KAZN: variants seen among roughly 807,000 people sequenced by gnomAD.
KAZN encodes the protein kazrin, periplakin interacting protein, also known as kazrin.
KAZN carries 40 observed loss-of-function variants against 87.4 expected under a neutral mutation model. The ratio of observed to expected loss-of-function variants is 0.46; its 90% confidence interval spans 0.36 to 0.60. The LOEUF (loss-of-function observed/expected upper bound fraction) is 0.60, where lower values mean the gene tolerates loss of function less well. Among genes scored for constraint, KAZN ranks in the 20% least tolerant of loss-of-function variants. The pLI is 0.00. For synonymous variants in KAZN, 466 were observed against 458.3 expected (o/e 1.02, Z -0.22); for missense variants, 898 against 1,073.9 (o/e 0.84, Z 2.29).
chr1:15,001,824 G>A (rs1432841029), intron 2 of KAZN, among the ~76,000 whole-genome samples: 1 of 151,206 alleles, frequency 6.6e-6, no homozygotes, highest in Non-Finnish European at 1.5e-5. Flanking sequence ...AAGGTGAGAG[G>A]TGGATTCTTC....
intron 2 of KAZN, among the ~76,000 whole-genome samples, chr1:14,275,671 C>A (rs1409710091): frequency 2.0e-5 from 3 of 152,052 alleles, no homozygotes; most frequent in African/African-American, 7.2e-5. Context: ...GGTGAATATA[C>A]CACAATTTAT....
chr1:14,355,609 T>G (rs2100959110), intron 2 of KAZN, among the ~76,000 whole-genome samples: 1 of 152,176 alleles, frequency 6.6e-6, no homozygotes, highest in Non-Finnish European at 1.5e-5. Flanking sequence ...GGCCCTGGTG[T>G]GTGATGTTTC....
At chr1:15,043,633 CTTTTTTTT>C (rs71000361) in intron 3 of KAZN, among the ~76,000 whole-genome samples, 16 of 72,576 alleles carry the variant, frequency 2.2e-4, no homozygotes, top group Non-Finnish European at 3.2e-4. Flanking sequence ...CTCCCCACTT[CTTTTTTTT>C]TTTTTTTTTT....
chr1:13,909,376 G>A lies in KAZN; in HGVS notation c.91+15620G>A, dbSNP rs114755799. Among the ~76,000 whole-genome samples, 141 of 152,166 alleles carry A rather than the reference G, an allele frequency of 9.3e-4. 1 individual carries two copies. The highest frequency in any genetic ancestry group is 3.2e-3 in the African/African-American group (134 of 41,528). Reference sequence around the variant, plus strand: ...CCTACGAAAGGCTGTGTTTTTTCAGGGGCAAGAGGGTGAGGAGGGAGGTAT... The same window carrying A: ...CCTACGAAAGGCTGTGTTTTTTCAGAGGCAAGAGGGTGAGGAGGGAGGTAT... On this transcript the variant is annotated intron_variant, in intron 1 of 16. Coordinates refer to the KAZN transcript ENST00000636203.
intron 2 of KAZN, among the ~76,000 whole-genome samples, chr1:14,308,378 C>G (rs545117030): frequency 2.6e-5 from 4 of 152,230 alleles, no homozygotes; most frequent in African/African-American, 9.6e-5. Flanking sequence ...GGCACAAGGT[C>G]TCCAACTTAA....
intron 2 of KAZN, among the ~76,000 whole-genome samples, chr1:14,997,646 T>C (rs1009070467): frequency 6.6e-6 from 1 of 152,120 alleles, no homozygotes; most frequent in Non-Finnish European, 1.5e-5. Context: ...CAGAACAACG[T>C]GGATTCTCAG....
chr1:14,796,498 A>C (rs977109111), intron 1 of KAZN, among the ~76,000 whole-genome samples: 6 of 152,182 alleles, frequency 3.9e-5, no homozygotes, highest in Non-Finnish European at 8.8e-5. Flanking sequence ...AGCCTGGCAC[A>C]TGGTAGGTGT....
chr1:14,193,106 C>G (rs1646454696), intron 2 of KAZN, among the ~76,000 whole-genome samples: 2 of 152,092 alleles, frequency 1.3e-5, no homozygotes, highest in Non-Finnish European at 2.9e-5. Context: ...GGCGTTCTTC[C>G]CCCTGTACTT....
intron 1 of KAZN, chr1:14,929,878 G>A (rs1659610398): frequency 7.1e-6 from 7 of 985,308 alleles, no homozygotes; most frequent in South Asian, 4.7e-5. Flanking sequence ...ATGAAGGTGG[G>A]GACTCCAGGC....
Position 14,960,724 on chromosome 1 carries a change from T to C in KAZN, c.267T>C (p.Val89=), listed in dbSNP as rs917608859. The C allele has an allele frequency of 6.3e-7, 1 of 1,584,870 alleles. No homozygotes were observed. Among genetic ancestry groups the C allele is most frequent in the East Asian group, 2.3e-5 (1 of 43,754 alleles). ...REEVSRLQEE[V]HLLRQMKEML... ...AAGTGTCGCGGCTCCAGGAGGAAGT[T>C]CACCTTCTCCGGCAGATGAAGGAGA... The change falls in exon 2 of 15, where the codon GTT becomes GTC. Residue 89 remains valine, a synonymous_variant. Coordinates refer to ENST00000376030, the MANE Select transcript of KAZN (RefSeq NM_201628.3).
intron 1 of KAZN, among the ~76,000 whole-genome samples, chr1:14,647,474 C>T (rs186421766): frequency 1.3e-5 from 2 of 152,154 alleles, no homozygotes; most frequent in South Asian, 2.1e-4. Context: ...ACAGAAGGAC[C>T]AGTAGTGGAG....
intron 2 of KAZN, among the ~76,000 whole-genome samples, chr1:14,528,848 A>C (rs571618455): frequency 6.6e-6 from 1 of 151,868 alleles, no homozygotes; most frequent in East Asian, 1.9e-4. Context: ...CATCTCAGGC[A>C]ACATTGTCTC....
chr1:14,016,784 A>T (rs1640592576), intron 1 of KAZN, among the ~76,000 whole-genome samples: 1 of 152,068 alleles, frequency 6.6e-6, no homozygotes, highest in Non-Finnish European at 1.5e-5. Flanking sequence ...AAACACAAAA[A>T]CCTACAGTTT....
intron 2 of KAZN, among the ~76,000 whole-genome samples, chr1:14,503,438 C>T (rs1239350487): frequency 6.6e-6 from 1 of 150,818 alleles, no homozygotes; most frequent in African/African-American, 2.4e-5. Context: ...GAGCCGACAT[C>T]ACGCCACTGC....
chr1:14,904,824 C>A (rs566410696), intron 1 of KAZN, among the ~76,000 whole-genome samples: 1 of 151,604 alleles, frequency 6.6e-6, no homozygotes, highest in Admixed American at 6.6e-5. Flanking sequence ...TGCAGTGGTG[C>A]GATCTCCACT....
At chr1:15,060,344 C>T in intron 6 of KAZN, 42 bp downstream of exon 6, 1 of 1,611,966 alleles carries the variant, frequency 6.2e-7, no homozygotes, top group Non-Finnish European at 8.5e-7. Context: ...TGGGCCCTGC[C>T]CAGAAACTGC....
chr1:15,065,918 C>T, intron 8 of KAZN, 165 bp downstream of exon 8: 2 of 1,449,098 alleles, frequency 1.4e-6, no homozygotes, highest in East Asian at 2.6e-5. Flanking sequence ...CGCTGGCACA[C>T]ATGGGTGCTG....
At chr1:13,927,292 A>C (rs1288347455) in intron 1 of KAZN, among the ~76,000 whole-genome samples, 4 of 152,218 alleles carry the variant, frequency 2.6e-5, no homozygotes, top group African/African-American at 9.6e-5. Flanking sequence ...AAGGTCACAC[A>C]GGGACCCTGA....
At chr1:14,134,755 G>A (rs569621586) in intron 1 of KAZN, among the ~76,000 whole-genome samples, 4 of 152,092 alleles carry the variant, frequency 2.6e-5, no homozygotes, top group South Asian at 2.1e-4. Context: ...TGGTACTCTC[G>A]GAACACACTG....
Sources: gnomAD v4.1 joint callset for allele counts (sites outside exome capture counted in the v4.1 genomes callset) on GRCh38, gnomAD v4.1.1 for gene constraint, MANE v1.5 for transcripts, NCBI Gene and HGNC (gene_info 2026-07-23, HGNC 2026-07-21) for gene names.